The following TUBA4B variants were observed in gnomAD, a reference collection of about 807,000 sequenced individuals.
TUBA4B encodes the protein tubulin alpha 4b.
In TUBA4B, 13 loss-of-function variants were observed where a neutral mutation model predicts 18.4. The observed-to-expected ratio is 0.71, with a 90% CI of 0.46 to 1.12. The LOEUF is 1.12. TUBA4B is among the 50% of genes most tolerant of loss of function. The pLI, the probability that TUBA4B is intolerant of heterozygous loss-of-function variation, is 0.00. For synonymous variants in TUBA4B, 101 were observed against 99.1 expected (o/e 1.02, Z -0.11); for missense variants, 244 against 250.0 (o/e 0.98, Z 0.16).
chr2:219,258,381 C>T (rs896663402), intron 1 of TUBA4B, among the ~76,000 whole-genome samples: 5 of 152,020 alleles, frequency 3.3e-5, no homozygotes, highest in African/African-American at 9.7e-5. Flanking sequence ...AGTGCAGTGA[C>T]GCAATCTTGG....
At chr2:219,268,765 TTAAG>T (rs1951806746) in intron 2 of TUBA4B, among the ~76,000 whole-genome samples, 1 of 152,106 alleles carries the variant, frequency 6.6e-6, no homozygotes, top group African/African-American at 2.4e-5. Context: ...CATTAAACAA[TTAAG>T]AAATATTTCA....
At chr2:219,264,653 G>A (rs1951779863) in intron 1 of TUBA4B, among the ~76,000 whole-genome samples, 1 of 152,154 alleles carries the variant, frequency 6.6e-6, no homozygotes, top group Non-Finnish European at 1.5e-5. Flanking sequence ...TGTCAACAGT[G>A]TGGATACGCT....
intron 1 of TUBA4B, 39 bp downstream of exon 1, chr2:219,253,458 G>A (rs1951682741): frequency 1.4e-6 from 2 of 1,432,858 alleles, no homozygotes; most frequent in South Asian, 1.2e-5. Flanking sequence ...CCAAGCACGT[G>A]CTCGGTCAGT....
At chr2:219,271,085 T>C (rs567109192) in intron 3 of TUBA4B, 81 bp from the exon 4 acceptor site, 1 of 625,624 alleles carries the variant, frequency 1.6e-6, no homozygotes, top group East Asian at 2.7e-5. Flanking sequence ...CTTTTGGGAA[T>C]TTAAAACAGC....
At chr2:219,262,972 C>T (rs1037629793) in intron 1 of TUBA4B, among the ~76,000 whole-genome samples, 10 of 151,734 alleles carry the variant, frequency 6.6e-5, no homozygotes, top group Admixed American at 1.3e-4. Context: ...ACCCGGGAGG[C>T]GGAGGTCGCA....
Position 219,253,758 on chromosome 2 carries a change from A to G in TUBA4B, c.12+339A>G, listed in dbSNP as rs45468095. ...CCCTCGCACCTCCTGGAGACCCGGA[A>G]CGCCCGGTGGAGGTCCCCGAGCATG... is the stretch of plus-strand genomic sequence containing the variant. On this transcript the variant is annotated intron_variant, in intron 1 of 3. Coordinates refer to ENST00000490341, the MANE Select transcript of TUBA4B (RefSeq NM_001355221.1). 0.013 allele frequency: 18,750 copies of G among 1,427,170 alleles called. 147 individuals are homozygous for G. Among genetic ancestry groups the G allele is most frequent in the Middle Eastern group, 0.037 (211 of 5,628 alleles). The allele number at this position is 1,427,170 out of a possible 1,614,324, so 88.4% of individuals were successfully genotyped here. A position where few individuals can be genotyped will look rare whatever the true frequency, so the allele number is the denominator to read the frequency against.
intron 1 of TUBA4B, among the ~76,000 whole-genome samples, chr2:219,265,562 C>T (rs544014146): frequency 2.6e-5 from 4 of 152,118 alleles, no homozygotes; most frequent in South Asian, 2.1e-4. Context: ...GCTCGAACCC[C>T]GGAGGTGGAG....
In TUBA4B at chr2:219,272,005, A is replaced by G; in HGVS notation, c.*306A>G. 6.6e-7 allele frequency: 1 copy of G among 1,518,692 alleles called. No homozygotes were observed. Among genetic ancestry groups the G allele is most frequent in the Non-Finnish European group, 9.1e-7 (1 of 1,094,256 alleles). 94.1% of individuals were successfully genotyped at this position (1,518,692 alleles called of 1,614,324 possible). ...ATGTATGCCAAGAGGGCGTTTGGGC[A>G]CTGATATGTGGGTGAGGGCATGGAG... On this transcript the variant is annotated 3_prime_UTR_variant, in exon 4 of 4. Transcript: ENST00000490341.
intron 2 of TUBA4B, among the ~76,000 whole-genome samples, chr2:219,267,815 G>A (rs1427430509): frequency 2.0e-5 from 3 of 152,068 alleles, no homozygotes; most frequent in Admixed American, 6.6e-5. Flanking sequence ...TGCCCACCTC[G>A]GCCTCCTAAA....
Position 219,271,932 on chromosome 2 carries a change from A to T in TUBA4B, c.*233A>T, listed in dbSNP as rs1021522727. 1.4e-6 allele frequency: 2 copies of T among 1,463,878 alleles called. No homozygotes were observed. Among genetic ancestry groups the T allele is most frequent in the Admixed American group, 1.7e-5 (1 of 59,826 alleles). The allele number at this position is 1,463,878 out of a possible 1,614,324, so 90.7% of individuals were successfully genotyped here. On this transcript the variant is annotated 3_prime_UTR_variant, in exon 4 of 4. Coordinates refer to ENST00000490341, the MANE Select transcript of TUBA4B (RefSeq NM_001355221.1). Reference sequence around the variant, plus strand: ...TGCCATGTGCATGCTGAGCAACATGACAGCCATCACTATGGCCTGGGCCCG... The same window carrying T: ...TGCCATGTGCATGCTGAGCAACATGTCAGCCATCACTATGGCCTGGGCCCG...
At position 219,253,354 on chromosome 2, in the gene TUBA4B, C is replaced by T; in HGVS notation, c.-54C>T. On this transcript the variant is annotated 5_prime_UTR_variant, in exon 1 of 4. The change creates a new upstream start codon in the 5' untranslated region. Coordinates refer to ENST00000490341, the MANE Select transcript of TUBA4B (RefSeq NM_001355221.1). ...AGCTCAGACGCGGGGTGCTGAGTCA[C>T]GGGGGGGGGGTGGTTCTGTGGATAG... is the stretch of plus-strand genomic sequence containing the variant. 1 of 1,301,916 alleles carries T rather than the reference C, an allele frequency of 7.7e-7. No homozygotes were observed. The highest frequency in any genetic ancestry group is 1.0e-6 in the Non-Finnish European group (1 of 967,762). 80.6% of individuals were successfully genotyped at this position (1,301,916 alleles called of 1,614,324 possible). A position where few individuals can be genotyped will look rare whatever the true frequency, so the allele number is the denominator to read the frequency against.
At chr2:219,270,644 T>G in intron 3 of TUBA4B, among the ~76,000 whole-genome samples, 1 of 140,446 alleles carries the variant, frequency 7.1e-6, no homozygotes, top group African/African-American at 3.1e-5. Flanking sequence ...TACCACCTTG[T>G]GTTACAAGGA....
intron 2 of TUBA4B, among the ~76,000 whole-genome samples, chr2:219,269,839 C>T (rs1354275827): frequency 1.3e-5 from 2 of 152,062 alleles, no homozygotes; most frequent in Non-Finnish European, 2.9e-5. Context: ...ATCTGGAGCC[C>T]GCTGTGATGA....
At chr2:219,260,740 A>T (rs368507861) in intron 1 of TUBA4B, among the ~76,000 whole-genome samples, 5 of 152,176 alleles carry the variant, frequency 3.3e-5, no homozygotes, top group East Asian at 3.8e-4. Context: ...TTGGAAGGCC[A>T]AGGTGGCGGA....
intron 1 of TUBA4B, 71 bp from the exon 2 acceptor site, chr2:219,266,450 C>T (rs1221590297): frequency 1.2e-5 from 8 of 665,868 alleles, no homozygotes; most frequent in African/African-American, 8.9e-5. Context: ...AGCCACCCAG[C>T]GAGTATAAGG....
At chr2:219,261,099 C>T (rs1951757196) in intron 1 of TUBA4B, among the ~76,000 whole-genome samples, 1 of 152,052 alleles carries the variant, frequency 6.6e-6, no homozygotes, top group Non-Finnish European at 1.5e-5. Context: ...CCTAACTTAT[C>T]AATGGCTTGA....
chr2:219,263,123 C>T (rs1951769613), intron 1 of TUBA4B, among the ~76,000 whole-genome samples: 1 of 152,120 alleles, frequency 6.6e-6, no homozygotes, highest in African/African-American at 2.4e-5. Flanking sequence ...ACAGCAAGCA[C>T]TCAATATTTG....
intron 1 of TUBA4B, among the ~76,000 whole-genome samples, chr2:219,262,127 TG>T (rs1951763155): frequency 6.6e-6 from 1 of 152,156 alleles, no homozygotes; most frequent in African/African-American, 2.4e-5. Flanking sequence ...CTGGTTAACA[TG>T]GTGAAACCCC....
chr2:219,271,236 T>A lies in TUBA4B; in HGVS notation c.263T>A (p.Val88Asp), dbSNP rs1348850776. The A allele has an allele frequency of 7.8e-7, 1 of 1,282,158 alleles. No individual in the cohort carries two copies. 79.4% of individuals were successfully genotyped at this position (1,282,158 alleles called of 1,614,324 possible). ...HSLGRGTGSD[V>D]TSFLMEWLSV... ...CTTGGTCGGGGCACTGGCTCTGACGTCACCTCATTCCTGATGGAGTGGCTT... is the reference window on the plus strand; with the variant it reads ...CTTGGTCGGGGCACTGGCTCTGACGACACCTCATTCCTGATGGAGTGGCTT... The change falls in exon 4 of 4, where the codon GTC becomes GAC. Residue 88 changes from valine to aspartate, a missense_variant. Physicochemically the swap from Val to Asp is radical, Grantham distance 152. Transcript: ENST00000490341.
Sources: gnomAD v4.1 joint callset for allele counts (sites outside exome capture counted in the v4.1 genomes callset) on GRCh38, gnomAD v4.1.1 for gene constraint, MANE v1.5 for transcripts, NCBI Gene and HGNC (gene_info 2026-07-23, HGNC 2026-07-21) for gene names.